The following MAS1L variants were observed in gnomAD, a reference collection of about 807,000 sequenced individuals.
The protein encoded by MAS1L is mas-related G protein-coupled receptor MRG.
For missense variants in MAS1L, 441 were observed against 460.1 expected, an observed-to-expected ratio of 0.96 and a Z score of 0.38; for synonymous variants, 160 against 182.9, an observed-to-expected ratio of 0.87 and a Z score of 1.01.
chr6:29,487,450 T>C lies in MAS1L; in HGVS notation c.453A>G (p.Ile151Met). 1.2e-6 allele frequency: 2 copies of C among 1,613,802 alleles called. No individual in the cohort carries two copies. The highest frequency in any genetic ancestry group is 8.5e-7 in the Non-Finnish European group (1 of 1,179,994). The change falls in exon 1 of 1, where the codon ATA becomes ATG. Residue 151 changes from isoleucine (I) to methionine (M), a missense_variant. By Grantham distance (10) the Ile-to-Met change is conservative (BLOSUM62 1). Transcript: ENST00000377127. ...ACACCTCAAAGGAGAAGGGAGACAA[T>C]ATGGCCAGGAAATCAGGGATAAAAA... ...VVFFIPDFLA[I>M]LSPFSFEVCL...
chr6:29,487,344 T>G lies in MAS1L; in HGVS notation c.559A>C (p.Lys187Gln). ...FPIWYRCHRP[K>Q]YTSNVVCTLI... is the part of the protein sequence containing the mutation. ...GTGCAGACAACATTAGATGTGTATT[T>G]TGGGCGGTGGCATCTGTACCAGATG... The change falls in exon 1 of 1, where the codon AAA becomes CAA. Residue 187 changes from lysine (K) to glutamine (Q), a missense_variant. Transcript: ENST00000377127. 2 of 1,614,026 alleles carry G rather than the reference T, an allele frequency of 1.2e-6. No homozygotes were observed. The highest frequency in any genetic ancestry group is 1.7e-6 in the Non-Finnish European group (2 of 1,180,032).
At position 29,487,719 on chromosome 6, in the gene MAS1L, T is replaced by C; in HGVS notation, c.184A>G (p.Met62Val). The C allele has an allele frequency of 1.2e-6, 2 of 1,614,260 alleles. No homozygotes were observed. The highest frequency in any genetic ancestry group is 1.7e-6 in the Non-Finnish European group (2 of 1,180,042). Residue 62 changes from methionine to valine, a missense_variant, in exon 1 of 1, where the codon ATG becomes GTG. Met to Val is a conservative substitution (Grantham distance 21). Coordinates refer to ENST00000377127, the MANE Select transcript of MAS1L (RefSeq NM_052967.2). Reference sequence around the variant, plus strand: ...TGTCCCACTGCCATGCTCATCTGCATATGTATGGTTTCATTCGTCTCATTT... The same window carrying C: ...TGTCCCACTGCCATGCTCATCTGCACATGTATGGTTTCATTCGTCTCATTT... Reference protein sequence around the residue: ...LQNETNETIHMQMSMAVGQQA... With the variant: ...LQNETNETIHVQMSMAVGQQA...
Position 29,487,046 on chromosome 6 carries a change from A to T in MAS1L, c.857T>A (p.Ile286Lys), listed in dbSNP as rs1789322676. ...WALPLSVAPL[I>K]TDFKMFVTTS... ...GGTGACAAACATTTTGAAATCTGTT[A>T]TGAGGGGTGCCACGCTCAGGGGTAG... Residue 286 changes from isoleucine to lysine, a missense_variant, in exon 1 of 1, where the codon ATA (isoleucine) becomes AAA (lysine). Ile to Lys is a moderately radical substitution (Grantham distance 102). Transcript: ENST00000377127. The T allele has an allele frequency of 6.2e-7, 1 of 1,613,922 alleles. No individual in the cohort carries two copies. The highest frequency in any genetic ancestry group is 8.5e-7 in the Non-Finnish European group (1 of 1,180,020).
At position 29,487,534 on chromosome 6, in the gene MAS1L, A is replaced by G; in HGVS notation, c.369T>C (p.Leu123=). 6.2e-7 allele frequency: 1 copy of G among 1,614,216 alleles called. No homozygotes were observed. The highest frequency in any genetic ancestry group is 8.5e-7 in the Non-Finnish European group (1 of 1,180,044). Residue 123 remains leucine, a synonymous_variant, in exon 1 of 1, where the codon CTT becomes CTC. Coordinates refer to ENST00000377127, the MANE Select transcript of MAS1L (RefSeq NM_052967.2). The part of the protein sequence containing the change: ...LHLVAADVIY[L]CCSAVGFLQV... ...GTAAGAACCCCACTGCCGAGCAGCAAAGATAGATCACGTCAGCAGCGACCA... is the reference window on the plus strand; with the variant it reads ...GTAAGAACCCCACTGCCGAGCAGCAGAGATAGATCACGTCAGCAGCGACCA...
chr6:29,487,609 C>T, the MAS1L span: 1 of 1,614,190 alleles, frequency 6.2e-7, no homozygotes, highest in Non-Finnish European at 8.5e-7. Flanking sequence ...AGCAAAGCAG[C>T]CAGAAGACAG....
Position 29,487,346 on chromosome 6 carries a change from G to A in MAS1L, c.557C>T (p.Pro186Leu). The A allele has an allele frequency of 6.2e-7, 1 of 1,614,054 alleles. No homozygotes were observed. The highest frequency in any genetic ancestry group is 8.5e-7 in the Non-Finnish European group (1 of 1,180,032). The change falls in exon 1 of 1, where the codon CCA becomes CTA. Residue 186 changes from proline to leucine, a missense_variant. Physicochemically the swap from Pro to Leu is moderately conservative, Grantham distance 98 (BLOSUM62 -3). Transcript: ENST00000377127. ...GCAGACAACATTAGATGTGTATTTT[G>A]GGCGGTGGCATCTGTACCAGATGGG... is the stretch of plus-strand genomic sequence containing the variant. ...LFPIWYRCHR[P>L]KYTSNVVCTL... is the part of the protein sequence containing the mutation.
Position 29,486,780 on chromosome 6 carries a change from C to A in MAS1L, c.1123G>T (p.Asp375Tyr). The part of the protein sequence containing the change: ...ENLLPREHRV[D>Y]VET ...GATGTGGGAAATTATGTTTCCACAT[C>A]GACCCTGTGCTCCCTGGGAAGAAGG... The change falls in exon 1 of 1, where the codon GAT (aspartate) becomes TAT (tyrosine). Residue 375 changes from aspartate (D) to tyrosine (Y), a missense_variant. Coordinates refer to ENST00000377127, the MANE Select transcript of MAS1L (RefSeq NM_052967.2). 6.2e-7 allele frequency: 1 copy of A among 1,611,590 alleles called. No homozygotes were observed. The highest frequency in any genetic ancestry group is 2.2e-5 in the East Asian group (1 of 44,864).
chr6:29,487,387 A>G lies in MAS1L; in HGVS notation c.516T>C (p.Cys172=). Residue 172 remains cysteine, a synonymous_variant, in exon 1 of 1, where the codon TGT becomes TGC. Transcript: ENST00000377127. ...CLLVAISTER[C]VCVLFPIWYR... ...ACCAGATGGGGAAGAGGACACACACACACCGCTCTGTGCTGATGGCCACCA... is the reference window on the plus strand; with the variant it reads ...ACCAGATGGGGAAGAGGACACACACGCACCGCTCTGTGCTGATGGCCACCA... 6.2e-7 allele frequency: 1 copy of G among 1,614,040 alleles called. No individual in the cohort carries two copies. Among genetic ancestry groups the G allele is most frequent in the Non-Finnish European group, 8.5e-7 (1 of 1,180,026 alleles).
In MAS1L at chr6:29,486,707, T is replaced by C. The variant is rs1441317242; in HGVS notation, c.*59A>G. On this transcript the variant is annotated 3_prime_UTR_variant, in exon 1 of 1. Transcript: ENST00000377127. ...AAGCATTGATTTGATGCAGCAGCCT[T>C]ATGATGCAGAACAGGCTGGGTTACT... 2.0e-6 allele frequency: 3 copies of C among 1,497,856 alleles called. No homozygotes were observed. The highest frequency in any genetic ancestry group is 1.8e-6 in the Non-Finnish European group (2 of 1,110,356). The allele number at this position is 1,497,856 out of a possible 1,614,324, so 92.8% of individuals were successfully genotyped here. A position where few individuals can be genotyped will look rare whatever the true frequency, so the allele number is the denominator to read the frequency against.
Position 29,487,486 on chromosome 6 carries a change from A to G in MAS1L, c.417T>C (p.His139=), listed in dbSNP as rs61730666. 2.7e-3 allele frequency: 4,320 copies of G among 1,614,172 alleles called. 49 individuals carry two copies. Among genetic ancestry groups the G allele is most frequent in the African/African-American group, 0.026 (1,915 of 75,048 alleles). Residue 139 remains histidine, a synonymous_variant, in exon 1 of 1, where the codon CAT becomes CAC. Transcript: ENST00000377127. ...AATCAGGGATAAAAAACACGACTCC[A>G]TGATAAGTTAGCAGAGTCACCTGTA... ...GFLQVTLLTY[H]GVVFFIPDFL... is the part of the protein sequence containing the mutation.
Position 29,487,048 on chromosome 6 carries a change from G to C in MAS1L, c.855C>G (p.Leu285=). 6.2e-7 allele frequency: 1 copy of C among 1,614,086 alleles called. No homozygotes were observed. Among genetic ancestry groups the C allele is most frequent in the Non-Finnish European group, 8.5e-7 (1 of 1,180,024 alleles). ...TGACAAACATTTTGAAATCTGTTAT[G>C]AGGGGTGCCACGCTCAGGGGTAGGG... is the stretch of plus-strand genomic sequence containing the variant. ...LWALPLSVAP[L]ITDFKMFVTT... The change falls in exon 1 of 1, where the codon CTC becomes CTG. Residue 285 remains leucine, a synonymous_variant. Transcript: ENST00000377127.
In MAS1L at chr6:29,487,864, A is replaced by G; in HGVS notation, c.39T>C (p.Ala13=). 1 of 1,612,992 alleles carries G rather than the reference A, an allele frequency of 6.2e-7. No homozygotes were observed. The highest frequency in any genetic ancestry group is 8.5e-7 in the Non-Finnish European group (1 of 1,179,882). Residue 13 remains alanine (A), a synonymous_variant, in exon 1 of 1, where the codon GCT becomes GCC. Coordinates refer to ENST00000377127, the MANE Select transcript of MAS1L (RefSeq NM_052967.2). Reference sequence around the variant, plus strand: ...GTGACTCAGCAAACACTGTCCATCCAGCCCTCTGGCTGAACCAGCAAATTT... The same window carrying G: ...GTGACTCAGCAAACACTGTCCATCCGGCCCTCTGGCTGAACCAGCAAATTT... The part of the protein sequence containing the change: ...WGKICWFSQR[A]GWTVFAESQI...
At position 29,487,359 on chromosome 6, in the gene MAS1L, T is replaced by C; in HGVS notation, c.544A>G (p.Arg182Gly). ...GATGTGTATTTTGGGCGGTGGCATC[T>C]GTACCAGATGGGGAAGAGGACACAC... ...CVCVLFPIWYRCHRPKYTSNV... is the reference protein window; with the variant it reads ...CVCVLFPIWYGCHRPKYTSNV... The change falls in exon 1 of 1, where the codon AGA becomes GGA. Residue 182 changes from arginine (R) to glycine (G), a missense_variant. Physicochemically the swap from Arg to Gly is moderately radical, Grantham distance 125. Transcript: ENST00000377127. The C allele has an allele frequency of 6.2e-7, 1 of 1,614,024 alleles. No homozygotes were observed. Among genetic ancestry groups the C allele is most frequent in the Non-Finnish European group, 8.5e-7 (1 of 1,180,032 alleles).
chr6:29,487,378 G>A lies in MAS1L; in HGVS notation c.525C>T (p.Val175=). The A allele has an allele frequency of 6.2e-7, 1 of 1,613,790 alleles. No homozygotes were observed. The highest frequency in any genetic ancestry group is 8.5e-7 in the Non-Finnish European group (1 of 1,179,962). ...GGCATCTGTACCAGATGGGGAAGAG[G>A]ACACACACACACCGCTCTGTGCTGA... The part of the protein sequence containing the change: ...VAISTERCVC[V]LFPIWYRCHR... Residue 175 remains valine, a synonymous_variant, in exon 1 of 1, where the codon GTC becomes GTT. Coordinates refer to ENST00000377127, the MANE Select transcript of MAS1L (RefSeq NM_052967.2).
chr6:29,487,711 C>T lies in MAS1L; in HGVS notation c.192G>A (p.Met64Ile), dbSNP rs757467702. The T allele has an allele frequency of 8.1e-5, 131 of 1,614,122 alleles. 1 individual carries two copies. Among genetic ancestry groups the T allele is most frequent in the Non-Finnish European group, 1.0e-4 (123 of 1,180,062 alleles). Residue 64 changes from methionine (M) to isoleucine (I), a missense_variant, in exon 1 of 1, where the codon ATG becomes ATA. Transcript: ENST00000377127. Reference sequence around the variant, plus strand: ...GGGCCTGCTGTCCCACTGCCATGCTCATCTGCATATGTATGGTTTCATTCG... The same window carrying T: ...GGGCCTGCTGTCCCACTGCCATGCTTATCTGCATATGTATGGTTTCATTCG... Reference protein sequence around the residue: ...NETNETIHMQMSMAVGQQALP... With the variant: ...NETNETIHMQISMAVGQQALP...
At position 29,486,912 on chromosome 6, in the gene MAS1L, C is replaced by T. The variant is rs1031466103; in HGVS notation, c.991G>A (p.Val331Met). Residue 331 changes from valine to methionine, a missense_variant, in exon 1 of 1, where the codon GTG (valine) becomes ATG (methionine). Physicochemically the swap from Val to Met is conservative, Grantham distance 21. Transcript: ENST00000377127. ...RKKRLKESLR[V>M]ILQRALADKP... ...TCTGCTAACGCCCGTTGGAGAATCA[C>T]TCTGAGAGATTCCTTCAGCCTTTTC... 5 of 1,614,068 alleles carry T rather than the reference C, an allele frequency of 3.1e-6. No individual in the cohort carries two copies. The African/African-American group carries it at 4.0e-5, about 13-fold the overall frequency.
rs1789302604 is a variant in MAS1L at position 29,486,904 on chromosome 6, G to A, written c.999C>T (p.Leu333=). The change falls in exon 1 of 1, where the codon CTC becomes CTT. Residue 333 remains leucine, a synonymous_variant. Transcript: ENST00000377127. The stretch of plus-strand genomic sequence containing the variant: ...CTGGCTTATCTGCTAACGCCCGTTG[G>A]AGAATCACTCTGAGAGATTCCTTCA... ...KRLKESLRVI[L]QRALADKPEV... 1.2e-6 allele frequency: 2 copies of A among 1,614,176 alleles called. No homozygotes were observed. Among genetic ancestry groups the A allele is most frequent in the Admixed American group, 1.7e-5 (1 of 60,016 alleles).
In MAS1L at chr6:29,487,251, C is replaced by A; in HGVS notation, c.652G>T (p.Val218Leu). The A allele has an allele frequency of 1.2e-6, 2 of 1,614,144 alleles. No homozygotes were observed. ...KSLFLTYWKH[V>L]KACVIFLKLS... is the part of the protein sequence containing the mutation. ...TTTAGAAATATGACACATGCCTTTA[C>A]ATGTTTCCAGTAAGTTAGGAAAAGT... Residue 218 changes from valine to leucine, a missense_variant, in exon 1 of 1, where the codon GTA (valine) becomes TTA (leucine). Val to Leu is a conservative substitution (Grantham distance 32). Coordinates refer to ENST00000377127, the MANE Select transcript of MAS1L (RefSeq NM_052967.2).
rs776523042 is a variant in MAS1L at position 29,487,067 on chromosome 6, G to T, written c.836C>A (p.Pro279His). The change falls in exon 1 of 1, where the codon CCC (proline) becomes CAC (histidine). Residue 279 changes from proline (P) to histidine (H), a missense_variant. Coordinates refer to ENST00000377127, the MANE Select transcript of MAS1L (RefSeq NM_052967.2). ...SAPMFLLWAL[P>H]LSVAPLITDF... ...TGTTATGAGGGGTGCCACGCTCAGG[G>T]GTAGGGCCCAGAGTAGGAACATGGG... The T allele has an allele frequency of 6.2e-7, 1 of 1,613,862 alleles. No homozygotes were observed. Among genetic ancestry groups the T allele is most frequent in the African/African-American group, 1.3e-5 (1 of 74,852 alleles).
Sources: gnomAD v4.1 joint callset for allele counts on GRCh38, gnomAD v4.1.1 for gene constraint, MANE v1.5 for transcripts, NCBI Gene and HGNC (gene_info 2026-07-23, HGNC 2026-07-21) for gene names.